Variants in AGAP1 observed in about 807,000 individuals in gnomAD.
AGAP1 encodes ArfGAP with GTPase domain, ankyrin repeat and PH domain 1.
In AGAP1, 29 loss-of-function variants were observed where a neutral mutation model predicts 105.3. The ratio of observed to expected loss-of-function variants is 0.28; its 90% CI spans 0.21 to 0.38. AGAP1 has a LOEUF of 0.38. AGAP1 is among the 10% of genes least tolerant of loss of function. AGAP1 has a pLI of 1.00. For missense variants in AGAP1, 998 were observed against 1,165.1 expected (o/e 0.86, Z 2.09); for synonymous variants, 509 against 485.9 (o/e 1.05, Z -0.63).
At position 235,623,820 on chromosome 2, in the gene AGAP1, G is replaced by A. The variant is rs1946558668; in HGVS notation, c.164-85359G>A. On this transcript the variant is annotated intron_variant, in intron 1 of 17. Transcript: ENST00000304032. The surrounding 1 kb of genome is among the most constrained non-coding windows in gnomAD (Gnocchi z 4.5). ...TTTTTCAATATTTATGGAATGCTTAGTATTTGTAATGCAACAAAAGGTCAG... is the reference window on the plus strand; with the variant it reads ...TTTTTCAATATTTATGGAATGCTTAATATTTGTAATGCAACAAAAGGTCAG... Among the ~76,000 whole-genome samples the A allele has an allele frequency of 6.6e-6, 1 of 152,108 alleles. No homozygotes were observed.
At chr2:235,525,664 G>A (rs546449497) in intron 1 of AGAP1, among the ~76,000 whole-genome samples, 1,637 of 136,404 alleles carry the variant, frequency 0.012, 20 homozygotes, top group African/African-American at 0.043. Flanking sequence ...GACACATAAT[G>A]TGGAGGACTG....
At chr2:235,688,158 G>T (rs1272384567) in intron 1 of AGAP1, among the ~76,000 whole-genome samples, 1 of 152,014 alleles carries the variant, frequency 6.6e-6, no homozygotes, top group Admixed American at 6.6e-5. Flanking sequence ...TGCCCACCTC[G>T]GTCTCCCAAA....
intron 1 of AGAP1, among the ~76,000 whole-genome samples, chr2:235,584,293 GAATGAT>G (rs1466124024): frequency 1.3e-5 from 2 of 150,796 alleles, no homozygotes; most frequent in Admixed American, 1.3e-4. Flanking sequence ...ATTAACAAGT[GAATGAT>G]TTAAGTTCTG....
rs1303044413 is a variant in AGAP1, at chr2:235,953,603, C to T, written c.1484-14859C>T. ...CTCCCTGTCTTGACAGACTTGATTA[C>T]GGAGCACCTATTTTGTGCATGGTGC... On this transcript the variant is annotated intron_variant, in intron 12 of 17. Transcript: ENST00000304032. The surrounding 1 kb of genome is among the most constrained non-coding windows in gnomAD (Gnocchi z 5.2). 5.9e-5 allele frequency among the ~76,000 whole-genome samples: 9 copies of T among 152,270 alleles called. No homozygotes were observed. The highest frequency in any genetic ancestry group is 1.9e-4 in the East Asian group (1 of 5,174).
intron 1 of AGAP1, among the ~76,000 whole-genome samples, chr2:235,546,944 G>A (rs925295765): frequency 4.6e-5 from 7 of 152,214 alleles, no homozygotes; most frequent in Non-Finnish European, 8.8e-5. Flanking sequence ...CTCACTGGCC[G>A]TATTCAGCTC....
chr2:235,598,006 A>G (rs1337767861), intron 1 of AGAP1, among the ~76,000 whole-genome samples: 1 of 108,738 alleles, frequency 9.2e-6, no homozygotes, highest in African/African-American at 4.0e-5. Context: ...TGGAGCGTGC[A>G]CGCGCTCCCG....
intron 2 of AGAP1, among the ~76,000 whole-genome samples, chr2:235,710,194 C>T (rs575709143): frequency 1.3e-5 from 2 of 152,308 alleles, no homozygotes; most frequent in South Asian, 4.1e-4. Context: ...TCCCCACTGA[C>T]CCCAACCTCA....
intron 13 of AGAP1, among the ~76,000 whole-genome samples, chr2:236,019,171 C>T (rs1182459707): frequency 6.6e-6 from 1 of 152,216 alleles, no homozygotes; most frequent in East Asian, 1.9e-4. Flanking sequence ...GAATGATGGT[C>T]TTGCTGAGTG....
intron 11 of AGAP1, among the ~76,000 whole-genome samples, chr2:235,929,152 C>G (rs1199524370): frequency 1.3e-5 from 2 of 152,228 alleles, no homozygotes; most frequent in African/African-American, 4.8e-5. Context: ...ACCTGAGCCC[C>G]TTGGATGCCA....
rs1945114160 is a variant in AGAP1, at chr2:235,586,415, C to G, written c.163+91566C>G. Among the ~76,000 whole-genome samples the G allele has an allele frequency of 6.6e-6, 1 of 152,180 alleles. No homozygotes were observed. The highest frequency in any genetic ancestry group is 1.5e-5 in the Non-Finnish European group (1 of 68,032). ...TGAGCCTGAAGAGGCTGTGACCTCC[C>G]CAAATACTCGGACTCCCCTGTGGAA... On this transcript the variant is annotated intron_variant, in intron 1 of 17. Coordinates refer to ENST00000304032, the MANE Select transcript of AGAP1 (RefSeq NM_001037131.3). The surrounding 1 kb of genome is among the most constrained non-coding windows in gnomAD (Gnocchi z 4.2).
chr2:235,766,263 G>T (rs1214325363), intron 6 of AGAP1, among the ~76,000 whole-genome samples: 1 of 152,204 alleles, frequency 6.6e-6, no homozygotes, highest in African/African-American at 2.4e-5. Context: ...TTCACAGAGC[G>T]TTTTCTGCAT....
At chr2:236,031,559 T>C (rs1322348028) in intron 13 of AGAP1, among the ~76,000 whole-genome samples, 1 of 151,832 alleles carries the variant, frequency 6.6e-6, no homozygotes, top group Non-Finnish European at 1.5e-5. Context: ...GATCTCAGAG[T>C]TGCAAGGGCC....
chr2:235,640,544 C>G (rs1432905760), intron 1 of AGAP1, among the ~76,000 whole-genome samples: 1 of 152,214 alleles, frequency 6.6e-6, no homozygotes, highest in Non-Finnish European at 1.5e-5. Flanking sequence ...AGTTGCATTT[C>G]CTGGTTGTTT....
rs1426227450 is a variant in AGAP1 at position 235,927,100 on chromosome 2, A to G, written c.1325-3665A>G. ...ACGGTTTGTCCATGTATACACCTTG[A>G]TGTGGCCCAAATTCAGTCATGCTGT... On this transcript the variant is annotated intron_variant, in intron 11 of 17. Coordinates refer to ENST00000304032, the MANE Select transcript of AGAP1 (RefSeq NM_001037131.3). The surrounding 1 kb of genome is among the most constrained non-coding windows in gnomAD (Gnocchi z 4.4). Among the ~76,000 whole-genome samples the G allele has an allele frequency of 6.6e-6, 1 of 152,206 alleles. No homozygotes were observed. The highest frequency in any genetic ancestry group is 1.9e-4 in the East Asian group (1 of 5,202).
chr2:235,849,642 A>G lies in AGAP1; in HGVS notation c.1051-33703A>G, dbSNP rs975476576. Among the ~76,000 whole-genome samples the G allele has an allele frequency of 6.1e-5, 7 of 114,798 alleles. No individual in the cohort carries two copies. The Admixed American group carries it at 6.7e-4, about 11-fold the overall frequency. The allele number at this position is 114,798 out of a possible 152,430, so 75.3% of individuals were successfully genotyped here. On this transcript the variant is annotated intron_variant, in intron 9 of 17. Transcript: ENST00000304032. ...GCCACGACTTCTCCATGCTGCGGGG[A>G]TGCTAGGCCTGGATAAGGGTTGCCA...
chr2:235,855,172 C>T lies in AGAP1; in HGVS notation c.1051-28173C>T, dbSNP rs1311580880. Among the ~76,000 whole-genome samples, 1 of 152,218 alleles carries T rather than the reference C, an allele frequency of 6.6e-6. No homozygotes were observed. The highest frequency in any genetic ancestry group is 1.9e-4 in the East Asian group (1 of 5,190). ...TCAACAAACCAGCCTCATCAGGCCCCAGGTGGAAAATCGGCGTGGTGACGC... is the reference window on the plus strand; with the variant it reads ...TCAACAAACCAGCCTCATCAGGCCCTAGGTGGAAAATCGGCGTGGTGACGC... On this transcript the variant is annotated intron_variant, in intron 9 of 17. Transcript: ENST00000304032. This position sits in a 1 kb window ranked among gnomAD's most constrained non-coding sequence, Gnocchi z 5.0.
At chr2:235,805,423 T>G (rs1559509176) in intron 8 of AGAP1, among the ~76,000 whole-genome samples, 1 of 152,166 alleles carries the variant, frequency 6.6e-6, no homozygotes. Flanking sequence ...AGATGTTAAT[T>G]TTTTTAAAGT....
chr2:235,872,285 G>A lies in AGAP1; in HGVS notation c.1051-11060G>A, dbSNP rs985473276. 6.6e-6 allele frequency among the ~76,000 whole-genome samples: 1 copy of A among 152,100 alleles called. No homozygotes were observed. The highest frequency in any genetic ancestry group is 2.4e-5 in the African/African-American group (1 of 41,418). On this transcript the variant is annotated intron_variant, in intron 9 of 17. Transcript: ENST00000304032. The surrounding 1 kb of genome is among the most constrained non-coding windows in gnomAD (Gnocchi z 4.5). ...TAAAAAAAAAAAGTTCTAAATAAAT[G>A]CCGAAGCCACATAGGAGTCAAAGAA...
intron 6 of AGAP1, among the ~76,000 whole-genome samples, chr2:235,772,677 TAAG>T (rs1213202062): frequency 6.6e-6 from 1 of 152,248 alleles, no homozygotes; most frequent in African/African-American, 2.4e-5. Context: ...AGCTTGGGCC[TAAG>T]AAGGTGGGTG....
Sources: allele counts gnomAD v4.1 joint callset (sites outside exome capture counted in the v4.1 genomes callset), GRCh38; gene constraint gnomAD v4.1.1; non-coding constraint Gnocchi (gnomAD v3.1); transcripts MANE v1.5; gene names NCBI Gene and HGNC (gene_info 2026-07-23, HGNC 2026-07-21).